ROBO1: variants seen among roughly 807,000 people sequenced by gnomAD.
ROBO1 encodes roundabout homolog 1.
Under a neutral mutation model 195.9 loss-of-function variants are expected in ROBO1, and 149 were observed. That is an observed-to-expected ratio of 0.76 (90% CI 0.67 to 0.87). ROBO1 has a LOEUF of 0.87. Among genes scored for constraint, ROBO1 ranks in the 40% least tolerant of loss-of-function variants. The pLI is 0.00. For missense variants in ROBO1, 1,933 were observed against 2,068.3 expected (o/e 0.93, Z 1.27); for synonymous variants, 816 against 733.2 (o/e 1.11, Z -1.82).
At chr3:78,678,687 C>A (rs956353772) in intron 10 of ROBO1, among the ~76,000 whole-genome samples, 1 of 152,136 alleles carries the variant, frequency 6.6e-6, no homozygotes, top group Non-Finnish European at 1.5e-5. Flanking sequence ...TAATCAATAG[C>A]TTACCAACCA....
At chr3:79,075,796 T>A (rs996737922) in intron 3 of ROBO1, among the ~76,000 whole-genome samples, 4 of 151,926 alleles carry the variant, frequency 2.6e-5, no homozygotes, top group Non-Finnish European at 5.9e-5. Context: ...GTATTTGGAA[T>A]AAGGCACTAG....
chr3:79,505,138 C>G (rs912725754), intron 2 of ROBO1, among the ~76,000 whole-genome samples: 2 of 151,952 alleles, frequency 1.3e-5, no homozygotes, highest in African/African-American at 4.8e-5. Context: ...GTGAATTTGC[C>G]GCATTGGAAG....
At chr3:79,486,722 C>A (rs962810012) in intron 2 of ROBO1, among the ~76,000 whole-genome samples, 1 of 152,086 alleles carries the variant, frequency 6.6e-6, no homozygotes, top group Non-Finnish European at 1.5e-5. Context: ...TGAAGGGCAG[C>A]AGAATATGCC....
intron 1 of ROBO1, among the ~76,000 whole-genome samples, chr3:79,697,752 A>G (rs970799287): frequency 4.0e-5 from 6 of 151,562 alleles, no homozygotes; most frequent in South Asian, 4.1e-4. Context: ...ATCAGAAATG[A>G]AAAAATACTA....
intron 4 of ROBO1, among the ~76,000 whole-genome samples, chr3:78,857,354 T>C (rs2034515691): frequency 6.6e-6 from 1 of 152,172 alleles, no homozygotes; most frequent in Non-Finnish European, 1.5e-5. Flanking sequence ...ACTTAACATT[T>C]TAAAATTTTA....
chr3:78,742,558 CT>C (rs1235372930), intron 5 of ROBO1, among the ~76,000 whole-genome samples: 1 of 152,058 alleles, frequency 6.6e-6, no homozygotes, highest in African/African-American at 2.4e-5. Context: ...TAATGTATTC[CT>C]TTTCCCAAAT....
intron 4 of ROBO1, among the ~76,000 whole-genome samples, chr3:78,774,760 A>C (rs1469402787): frequency 6.6e-6 from 1 of 152,166 alleles, no homozygotes; most frequent in Non-Finnish European, 1.5e-5. Flanking sequence ...AAAAGCAACA[A>C]TTATTGATAC....
At chr3:79,089,126 A>G in intron 3 of ROBO1, among the ~76,000 whole-genome samples, 1 of 152,256 alleles carries the variant, frequency 6.6e-6, no homozygotes. Flanking sequence ...AATACATCTC[A>G]TAATGAAGAA....
At chr3:79,286,480 C>T (rs1414483636) in intron 2 of ROBO1, among the ~76,000 whole-genome samples, 1 of 152,048 alleles carries the variant, frequency 6.6e-6, no homozygotes, top group Non-Finnish European at 1.5e-5. Flanking sequence ...TATTAAATGC[C>T]ACATAGAAGC....
At chr3:79,611,285 C>A (rs1944648632) in intron 1 of ROBO1, among the ~76,000 whole-genome samples, 2 of 152,068 alleles carry the variant, frequency 1.3e-5, no homozygotes, top group Non-Finnish European at 2.9e-5. Context: ...GCATACAAAT[C>A]TATCATGTTT....
chr3:79,343,782 G>C (rs541368900), intron 2 of ROBO1, among the ~76,000 whole-genome samples: 2 of 152,140 alleles, frequency 1.3e-5, no homozygotes, highest in Non-Finnish European at 2.9e-5. Context: ...GAATCTGAGT[G>C]TCCTTTGAGC....
chr3:78,909,873 C>A (rs1201934035), intron 4 of ROBO1, among the ~76,000 whole-genome samples: 1 of 151,466 alleles, frequency 6.6e-6, no homozygotes, highest in Non-Finnish European at 1.5e-5. Context: ...ATTTTAATAA[C>A]CATGAATATT....
intron 2 of ROBO1, among the ~76,000 whole-genome samples, chr3:79,166,569 T>TTTA (rs71672100): frequency 0.02 from 2,980 of 149,954 alleles, 93 homozygotes; most frequent in African/African-American, 0.065. Flanking sequence ...TCTTTTTTTT[T>TTTA]TTTTTTTTAT....
At chr3:79,661,545 G>A (rs1178514447) in intron 1 of ROBO1, among the ~76,000 whole-genome samples, 1 of 147,092 alleles carries the variant, frequency 6.8e-6, no homozygotes, top group Non-Finnish European at 1.5e-5. Context: ...TTTTTCTATC[G>A]TCTTTTCCTT....
chr3:79,392,759 T>C (rs1575765195), intron 2 of ROBO1, among the ~76,000 whole-genome samples: 2 of 152,216 alleles, frequency 1.3e-5, no homozygotes, highest in Admixed American at 6.5e-5. Flanking sequence ...AGATAGTATA[T>C]CATCAAATAA....
rs1182441939 is a variant in ROBO1, at chr3:78,829,612, G to C, written c.500-82712C>G. Among the ~76,000 whole-genome samples, 4 of 152,118 alleles carry C rather than the reference G, an allele frequency of 2.6e-5. No homozygotes were observed. The East Asian group carries it at 7.7e-4, about 29-fold the overall frequency. On this transcript the variant is annotated intron_variant, in intron 4 of 30. Coordinates refer to ENST00000464233, the MANE Select transcript of ROBO1 (RefSeq NM_002941.4). The stretch of plus-strand genomic sequence containing the variant: ...GGAGATCTGTGATAGCGTGAATATG[G>C]CTATGTCGACAGGAACTAATGATTT...
intron 2 of ROBO1, among the ~76,000 whole-genome samples, chr3:79,372,203 C>CTTTT (rs113427698): frequency 5.4e-4 from 77 of 143,190 alleles, no homozygotes; most frequent in African/African-American, 1.8e-3. Context: ...TTCTAGCATT[C>CTTTT]TTTTTTTTTT....
chr3:79,210,677 T>A (rs1310039103), intron 2 of ROBO1, among the ~76,000 whole-genome samples: 1 of 152,152 alleles, frequency 6.6e-6, no homozygotes, highest in Non-Finnish European at 1.5e-5. Context: ...TTCTGATTGA[T>A]CTTTGGTGTG....
intron 5 of ROBO1, among the ~76,000 whole-genome samples, chr3:78,726,644 T>C (rs2108152342): frequency 6.6e-6 from 1 of 152,320 alleles, no homozygotes; most frequent in Non-Finnish European, 1.5e-5. Flanking sequence ...CAATTCTGCC[T>C]GGATCTTTGA....
Sources: gnomAD v4.1 joint callset for allele counts (sites outside exome capture counted in the v4.1 genomes callset) on GRCh38, gnomAD v4.1.1 for gene constraint, MANE v1.5 for transcripts, NCBI Gene and HGNC (gene_info 2026-07-23, HGNC 2026-07-21) for gene names.